XPO7: variants seen among roughly 807,000 people sequenced by gnomAD.
XPO7 encodes exportin 7, also known as exportin-7.
XPO7 carries 21 observed loss-of-function variants against 144.3 expected under a neutral mutation model. The observed-to-expected ratio is 0.15, with a 90% confidence interval of 0.10 to 0.21. XPO7 has a LOEUF of 0.21. Among genes scored for constraint, XPO7 ranks in the 10% least tolerant of loss-of-function variants. XPO7 has a pLI of 1.00. For synonymous variants in XPO7, 580 were observed against 499.6 expected, an observed-to-expected ratio of 1.16 and a Z score of -2.15; for missense variants, 808 against 1,325.8, an observed-to-expected ratio of 0.61 and a Z score of 6.06.
chr8:21,947,479 T>G (rs1811229764), intron 1 of XPO7, among the ~76,000 whole-genome samples: 3 of 152,128 alleles, frequency 2.0e-5, no homozygotes, highest in African/African-American at 7.2e-5. Flanking sequence ...TTTGCGTGAA[T>G]TGAAAATAAT....
At chr8:21,966,220 C>T (rs1037722647) in intron 1 of XPO7, 10 of 758,910 alleles carry the variant, frequency 1.3e-5, no homozygotes, top group Admixed American at 7.3e-5. Flanking sequence ...TTTATTTTGA[C>T]GCTTTCATTT....
chr8:21,931,741 C>G (rs1440831323), intron 1 of XPO7, among the ~76,000 whole-genome samples: 12 of 152,190 alleles, frequency 7.9e-5, no homozygotes, highest in Admixed American at 7.9e-4. Context: ...TACTCTTGGT[C>G]TGTTTTGTCT....
At chr8:22,001,161 C>T (rs1585486058) in intron 24 of XPO7, among the ~76,000 whole-genome samples, 4 of 152,160 alleles carry the variant, frequency 2.6e-5, no homozygotes, top group South Asian at 4.2e-4. Context: ...CAAAAATTAG[C>T]TCGGCGTGGT....
At chr8:22,000,386 A>G (rs73543531) in intron 24 of XPO7, among the ~76,000 whole-genome samples, 39 of 152,072 alleles carry the variant, frequency 2.6e-4, no homozygotes, top group Admixed American at 1.1e-3. Flanking sequence ...AGCTAGCTCC[A>G]TAAGTTTTTT....
At chr8:22,001,319 AAAAG>A (rs1449779176) in intron 24 of XPO7, among the ~76,000 whole-genome samples, 9 of 152,204 alleles carry the variant, frequency 5.9e-5, no homozygotes, top group Middle Eastern at 3.4e-3. Flanking sequence ...AAAAAAAAAA[AAAAG>A]AAAGAAAAAG....
chr8:21,925,551 G>GT (rs1484156486), intron 1 of XPO7, among the ~76,000 whole-genome samples: 3 of 152,210 alleles, frequency 2.0e-5, no homozygotes, highest in African/African-American at 7.2e-5. Flanking sequence ...GGTGGTTATT[G>GT]TAAGACTTAC....
chr8:21,968,024 T>C (rs1480808399), intron 2 of XPO7, among the ~76,000 whole-genome samples: 1 of 152,228 alleles, frequency 6.6e-6, no homozygotes, highest in Non-Finnish European at 1.5e-5. Flanking sequence ...ATATTTTTCC[T>C]AATCCTCAAA....
chr8:21,944,660 G>A (rs1307616999), intron 1 of XPO7, among the ~76,000 whole-genome samples: 1 of 151,984 alleles, frequency 6.6e-6, no homozygotes, highest in Non-Finnish European at 1.5e-5. Flanking sequence ...TCGGAGAGGG[G>A]GATTTGGCAG....
At chr8:21,961,752 T>G (rs1472978977) in intron 1 of XPO7, among the ~76,000 whole-genome samples, 1 of 152,174 alleles carries the variant, frequency 6.6e-6, no homozygotes, top group East Asian at 1.9e-4. Flanking sequence ...AACCTCTACC[T>G]CCTGGGTTCA....
At chr8:21,994,598 G>A (rs537139922) in intron 20 of XPO7, 147 bp downstream of exon 20, 1 of 648,124 alleles carries the variant, frequency 1.5e-6, no homozygotes. Flanking sequence ...ATGTGTCCTG[G>A]AAGCCACCTT....
At position 21,982,771 on chromosome 8, in the gene XPO7, C is replaced by G; in HGVS notation, c.1236C>G (p.Ala412=). 2 of 1,613,622 alleles carry G rather than the reference C, an allele frequency of 1.2e-6. No homozygotes were observed. The highest frequency in any genetic ancestry group is 1.3e-5 in the African/African-American group (1 of 75,026). ...LETYTPEVTK[A]YITSRLESVH... The stretch of plus-strand genomic sequence containing the variant: ...CTTACACTCCTGAGGTCACCAAAGC[C>G]TACATCACATCCCGGTTGGAATCTG... The change falls in exon 11 of 28, where the codon GCC becomes GCG. Residue 412 remains alanine (A), a synonymous_variant. Transcript: ENST00000252512.
intron 15 of XPO7, chr8:21,988,801 T>A: frequency 3.5e-6 from 2 of 574,842 alleles, no homozygotes; most frequent in South Asian, 4.1e-5. Context: ...TAGTGAAGAT[T>A]ATCTGAAGGA....
Position 22,002,260 on chromosome 8 carries a change from G to C in XPO7, c.2931G>C (p.Glu977Asp). 1 of 1,612,736 alleles carries C rather than the reference G, an allele frequency of 6.2e-7. No homozygotes were observed. The highest frequency in any genetic ancestry group is 8.5e-7 in the Non-Finnish European group (1 of 1,179,414). Residue 977 changes from glutamate (E) to aspartate (D), a missense_variant, in exon 25 of 28, where the codon GAG becomes GAC. Coordinates refer to ENST00000252512, the MANE Select transcript of XPO7 (RefSeq NM_015024.5). ...RFLHIMQQHP[E>D]MIQQMLSTVL... ...TGCACATCATGCAGCAGCATCCAGAGATGATCCAGCAGGTAAGAAAGTGGA... is the reference window on the plus strand; with the variant it reads ...TGCACATCATGCAGCAGCATCCAGACATGATCCAGCAGGTAAGAAAGTGGA...
intron 1 of XPO7, among the ~76,000 whole-genome samples, chr8:21,944,930 G>T (rs1811128504): frequency 6.6e-6 from 1 of 152,188 alleles, no homozygotes; most frequent in South Asian, 2.1e-4. Context: ...TGGGGGTAAG[G>T]TTATAGATTA....
At position 21,994,463 on chromosome 8, in the gene XPO7, C is replaced by G. The variant is rs1013338409; in HGVS notation, c.2237+12C>G. On this transcript the variant is annotated intron_variant, in intron 20 of 27. Transcript: ENST00000252512. The stretch of plus-strand genomic sequence containing the variant: ...CTCTTTGAATGGATGTATCCTAACT[C>G]AAACTAGGAGCACACTACAGCCTGC... 3.1e-6 allele frequency: 5 copies of G among 1,606,984 alleles called. No homozygotes were observed. The Admixed American group carries it at 6.7e-5, about 22-fold the overall frequency.
intron 1 of XPO7, among the ~76,000 whole-genome samples, chr8:21,954,205 G>A (rs1355472584): frequency 2.0e-5 from 3 of 152,146 alleles, no homozygotes; most frequent in African/African-American, 7.2e-5. Context: ...GTGATTGTGT[G>A]TTTTTGATCG....
chr8:21,927,815 G>A (rs1412618796), intron 1 of XPO7, among the ~76,000 whole-genome samples: 1 of 152,130 alleles, frequency 6.6e-6, no homozygotes, highest in Non-Finnish European at 1.5e-5. Context: ...AAAGTGCTGG[G>A]ATTACAGGCG....
At chr8:21,975,325 G>T (rs1812194263) in intron 6 of XPO7, among the ~76,000 whole-genome samples, 1 of 152,240 alleles carries the variant, frequency 6.6e-6, no homozygotes, top group Admixed American at 6.5e-5. Context: ...TGGAGGAGTA[G>T]ACAGTATCAC....
intron 1 of XPO7, chr8:21,966,103 C>T (rs1490230884): frequency 6.5e-6 from 4 of 611,708 alleles, no homozygotes; most frequent in Non-Finnish European, 1.2e-5. Context: ...AGCACACACC[C>T]ATACCCCTTC....
Sources: allele counts gnomAD v4.1 joint callset (sites outside exome capture counted in the v4.1 genomes callset), GRCh38; gene constraint gnomAD v4.1.1; transcripts MANE v1.5; gene names NCBI Gene and HGNC (gene_info 2026-07-23, HGNC 2026-07-21).